TENM1: variants seen among roughly 807,000 people sequenced by gnomAD.
The protein encoded by TENM1 is teneurin-1.
TENM1 carries 35 observed loss-of-function variants against 174.8 expected under a neutral mutation model. The observed-to-expected ratio is 0.20, with a 90% CI of 0.15 to 0.27. The LOEUF (loss-of-function observed/expected upper bound fraction) is 0.27. Ranked by LOEUF, TENM1 falls within the 10% of genes least tolerant of loss-of-function variation. The pLI, the probability that TENM1 is intolerant of heterozygous loss-of-function variation, is 1.00. For synonymous variants in TENM1, 781 were observed against 798.7 expected, an observed-to-expected ratio of 0.98 and a Z score of 0.37; for missense variants, 1,633 against 2,130.1, an observed-to-expected ratio of 0.77 and a Z score of 4.59.
intron 5 of TENM1, among the ~76,000 whole-genome samples, chrX:124,676,333 A>C (rs377425663): frequency 1.4e-5 from 1 of 70,783 alleles, no homozygotes; most frequent in East Asian, 4.7e-4. Context: ...ATGGAGATGG[A>C]TGCTACCCAG....
intron 18 of TENM1, among the ~76,000 whole-genome samples, chrX:124,513,844 G>C (rs1283869758): frequency 1.8e-5 from 2 of 111,956 alleles, no homozygotes; most frequent in Non-Finnish European, 3.8e-5. Flanking sequence ...CAGAGTAGTA[G>C]ATTCTCCAGC....
intron 3 of TENM1, among the ~76,000 whole-genome samples, chrX:124,762,446 T>G (rs2054441407): frequency 8.9e-6 from 1 of 112,534 alleles, no homozygotes; most frequent in Admixed American, 9.4e-5. Context: ...TTTTAAAACT[T>G]ATTTCTTACT....
At chrX:124,543,092 G>A (rs1234904172) in intron 15 of TENM1, among the ~76,000 whole-genome samples, 3 of 112,112 alleles carry the variant, frequency 2.7e-5, no homozygotes, top group East Asian at 5.6e-4. Flanking sequence ...TGAAAGTGAA[G>A]GACGTGAGTC....
In TENM1 at chrX:124,692,440, A is replaced by T. The variant is rs564328568; in HGVS notation, c.1015+12573T>A. ...CATGTACCCCTGAAACTAAAAGTTA[A>T]AATATTATTAATAATTACTATTATA... On this transcript the variant is annotated intron_variant, in intron 5 of 31. Transcript: ENST00000422452. 1.4e-4 allele frequency among the ~76,000 whole-genome samples: 16 copies of T among 110,984 alleles called. No individual in the cohort carries two copies. In the South Asian group the frequency reaches 4.9e-3, roughly 34 times the overall value.
chrX:124,912,287 A>G (rs1342436407), intron 1 of TENM1, among the ~76,000 whole-genome samples: 1 of 111,609 alleles, frequency 9.0e-6, no homozygotes. Flanking sequence ...GCTTCTCTGT[A>G]CAGTATCCTC....
chrX:125,192,745 A>T, the TENM1 span, among the ~76,000 whole-genome samples: 14 of 111,986 alleles, frequency 1.3e-4, no homozygotes, highest in South Asian at 3.7e-4. Flanking sequence ...TTTTAAAATA[A>T]ACAGGCATTT....
the TENM1 span, among the ~76,000 whole-genome samples, chrX:125,162,705 C>T: frequency 1.8e-5 from 2 of 111,753 alleles, no homozygotes; most frequent in Non-Finnish European, 3.8e-5. Context: ...ATATTCCCTC[C>T]ATGGGCAATT....
rs189771777 is a variant in TENM1 at position 124,649,973 on chromosome X, G to A, written c.1579+1941C>T. Among the ~76,000 whole-genome samples the A allele has an allele frequency of 8.2e-5, 9 of 109,833 alleles. No individual in the cohort carries two copies. In the East Asian group the frequency reaches 8.6e-4, roughly 10 times the overall value. On this transcript the variant is annotated intron_variant, in intron 8 of 31. Transcript: ENST00000422452. Reference sequence around the variant, plus strand: ...TCCCAGCAATTTGGGAGGCTGAGGCGGGTGGATCATCTGAGGTCAGGAGTT... The same window carrying A: ...TCCCAGCAATTTGGGAGGCTGAGGCAGGTGGATCATCTGAGGTCAGGAGTT...
chrX:124,413,294 T>A (rs775673967), intron 25 of TENM1, among the ~76,000 whole-genome samples: 1 of 111,807 alleles, frequency 8.9e-6, no homozygotes, highest in African/African-American at 3.2e-5. Flanking sequence ...AGATTTGTCT[T>A]CCCCACTAGA....
chrX:124,540,583 T>C (rs761877961), intron 15 of TENM1, among the ~76,000 whole-genome samples: 8 of 111,766 alleles, frequency 7.2e-5, no homozygotes, highest in Non-Finnish European at 1.3e-4. Flanking sequence ...ATGGTATACA[T>C]TCCCAGCTCA....
At chrX:124,620,838 T>C (rs750850398) in intron 11 of TENM1, among the ~76,000 whole-genome samples, 2 of 112,188 alleles carry the variant, frequency 1.8e-5, no homozygotes, top group Non-Finnish European at 3.8e-5. Flanking sequence ...TCTTATCTTA[T>C]GGAAATAATT....
intron 23 of TENM1, among the ~76,000 whole-genome samples, chrX:124,450,235 C>T: frequency 9.0e-6 from 1 of 110,601 alleles, no homozygotes; most frequent in East Asian, 2.8e-4. Context: ...TGGCGGGTGC[C>T]TGTAGTCCCA....
intron 19 of TENM1, among the ~76,000 whole-genome samples, chrX:124,501,890 C>T (rs1388908764): frequency 9.0e-6 from 1 of 111,637 alleles, no homozygotes; most frequent in Non-Finnish European, 1.9e-5. Context: ...ATCTGTTTCC[C>T]GGCAAGTGTG....
chrX:125,075,103 C>T, the TENM1 span, among the ~76,000 whole-genome samples: 2 of 111,534 alleles, frequency 1.8e-5, no homozygotes, highest in East Asian at 5.7e-4. Flanking sequence ...CAAAACACTC[C>T]CTGTGTCCCC....
the TENM1 span, among the ~76,000 whole-genome samples, chrX:125,190,730 G>T: frequency 2.7e-5 from 3 of 109,923 alleles, no homozygotes; most frequent in Non-Finnish European, 5.7e-5. Flanking sequence ...TTATTTTTTT[G>T]TTTTTTTAAT....
At chrX:124,548,846 G>C (rs2048492596) in intron 14 of TENM1, among the ~76,000 whole-genome samples, 1 of 111,389 alleles carries the variant, frequency 9.0e-6, no homozygotes, top group Non-Finnish European at 1.9e-5. Flanking sequence ...TAGACGTTTG[G>C]AACAGCAGCC....
chrX:124,783,357 A>G (rs1237285232), intron 3 of TENM1, among the ~76,000 whole-genome samples: 1 of 111,723 alleles, frequency 9.0e-6, no homozygotes, highest in Non-Finnish European at 1.9e-5. Context: ...AGTGTACATT[A>G]CATAATTCTG....
intron 14 of TENM1, among the ~76,000 whole-genome samples, chrX:124,549,473 C>T (rs759763602): frequency 1.3e-4 from 14 of 111,058 alleles, no homozygotes; most frequent in Admixed American, 2.9e-4. Flanking sequence ...CACAAAATTC[C>T]GACTTATTTT....
At chrX:124,451,655 T>C (rs1000952600) in intron 23 of TENM1, among the ~76,000 whole-genome samples, 2 of 112,034 alleles carry the variant, frequency 1.8e-5, no homozygotes, top group African/African-American at 6.5e-5. Flanking sequence ...AACAGCATGG[T>C]ACTGGTACTG....
Sources: allele counts gnomAD v4.1 joint callset (sites outside exome capture counted in the v4.1 genomes callset), GRCh38; gene constraint gnomAD v4.1.1; transcripts MANE v1.5; gene names NCBI Gene and HGNC (gene_info 2026-07-23, HGNC 2026-07-21).